The following PLA2G4B variants were observed in gnomAD, a reference collection of about 807,000 sequenced individuals.
PLA2G4B encodes the protein phospholipase A2 group IVB, also known as cytosolic phospholipase A2 beta.
In PLA2G4B, 122 loss-of-function variants were observed where a neutral mutation model predicts 95.8. The observed-to-expected ratio is 1.27, with a 90% confidence interval of 1.10 to 1.48. The LOEUF is 1.48. Among genes scored for constraint, PLA2G4B ranks in the 40% most tolerant of loss-of-function variants. The probability of loss-of-function intolerance (pLI) is 0.00; values close to 1 mark genes in which losing one functional copy is unlikely to be tolerated. For missense variants in PLA2G4B, 1,158 were observed against 996.2 expected (o/e 1.16, Z -2.19); for synonymous variants, 518 against 421.5 (o/e 1.23, Z -2.80).
intron 10 of PLA2G4B, 115 bp from the exon 11 acceptor site, chr15:41,843,561 T>G (rs907606511): frequency 1.7e-5 from 25 of 1,487,456 alleles, no homozygotes; most frequent in East Asian, 7.1e-5. Context: ...GGGAGTGGCA[T>G]TGAGGGTTGG....
At chr15:41,839,929 G>A in intron 1 of PLA2G4B, 1 of 548,212 alleles carries the variant, frequency 1.8e-6, no homozygotes, top group Non-Finnish European at 3.2e-6. Context: ...ATGAGTTAAT[G>A]TATGCAAAGC....
intron 6 of PLA2G4B, 109 bp downstream of exon 6, chr15:41,841,382 TCA>T: frequency 6.2e-7 from 1 of 1,608,840 alleles, no homozygotes. Context: ...CCCTGGGATT[TCA>T]GTTTGTTAAG....
Position 41,840,688 on chromosome 15 carries a change from C to T in PLA2G4B, c.219+28C>T, listed in dbSNP as rs1192769326. The T allele has an allele frequency of 3.1e-6, 5 of 1,607,596 alleles. No individual in the cohort carries two copies. In the African/African-American group the frequency reaches 5.3e-5, roughly 17 times the overall value. ...GGGCCAGGCATCAGCGCTGACTCTA[C>T]CCACATCCTCGCCAGCCACTGCCGC... is the stretch of plus-strand genomic sequence containing the variant. On this transcript the variant is annotated intron_variant, in intron 3 of 19. Transcript: ENST00000458483.
chr15:41,841,824 G>A lies in PLA2G4B; in HGVS notation c.496G>A (p.Glu166Lys). 1 of 1,613,436 alleles carries A rather than the reference G, an allele frequency of 6.2e-7. No individual in the cohort carries two copies. The highest frequency in any genetic ancestry group is 8.5e-7 in the Non-Finnish European group (1 of 1,179,806). ...GCTCTGGTTCCTGTTTCCAGCCTCAGAGCACAGAGTTCAGCTTGTGGTTCC... is the reference window on the plus strand; with the variant it reads ...GCTCTGGTTCCTGTTTCCAGCCTCAAAGCACAGAGTTCAGCTTGTGGTTCC... ...LEETGDQKSS[E>K]HRVQLVVPGS... The change falls in exon 8 of 20, where the codon GAG becomes AAG. Residue 166 changes from glutamate to lysine, a missense_variant. Transcript: ENST00000458483.
At position 41,845,989 on chromosome 15, in the gene PLA2G4B, C is replaced by T; in HGVS notation, c.1542C>T (p.Tyr514=). 1 of 1,523,016 alleles carries T rather than the reference C, an allele frequency of 6.6e-7. No individual in the cohort carries two copies. 94.3% of individuals were successfully genotyped at this position (1,523,016 alleles called of 1,614,324 possible). Residue 514 remains tyrosine (Y), a synonymous_variant, in exon 16 of 20, where the codon TAC becomes TAT. Transcript: ENST00000458483. ...LYAANLQDSL[Y]WASEPSQFWD... Reference sequence around the variant, plus strand: ...CAGCCAACCTCCAGGACAGCTTATACTGGGCCTCAGAGCCCAGCCAGTTCT... The same window carrying T: ...CAGCCAACCTCCAGGACAGCTTATATTGGGCCTCAGAGCCCAGCCAGTTCT...
rs765254908 is a variant in PLA2G4B at position 41,841,473 on chromosome 15, TG to T, written c.436-38del. 26 of 1,613,346 alleles carry T rather than the reference TG, an allele frequency of 1.6e-5. No homozygotes were observed. In the South Asian group the frequency reaches 2.1e-4, roughly 13 times the overall value. ...GTGCTGCGAGGGTGGGGTCCCTGAATGGGGGGTGGGGTTAGTGTCTGAGGGG... is the reference window on the plus strand; with the variant it reads ...GTGCTGCGAGGGTGGGGTCCCTGAATGGGGGTGGGGTTAGTGTCTGAGGGG... On this transcript the variant is annotated intron_variant, in intron 6 of 19. Coordinates refer to ENST00000458483, the MANE Select transcript of PLA2G4B (RefSeq NM_001114633.2).
intron 7 of PLA2G4B, 110 bp from the exon 8 acceptor site, chr15:41,841,709 C>A (rs982849866): frequency 1.9e-6 from 3 of 1,569,840 alleles, no homozygotes; most frequent in Middle Eastern, 1.7e-4. Flanking sequence ...TCCATCTCCA[C>A]CAGACCATTT....
intron 17 of PLA2G4B, 119 bp from the exon 18 acceptor site, chr15:41,846,550 G>A: frequency 3.3e-6 from 5 of 1,507,268 alleles, no homozygotes; most frequent in Non-Finnish European, 4.4e-6. Context: ...CCCACCTGCA[G>A]GGCTGTGGGG....
At position 41,848,027 on chromosome 15, in the gene PLA2G4B, G is replaced by A; in HGVS notation, c.*167G>A. On this transcript the variant is annotated 3_prime_UTR_variant, in exon 20 of 20. Transcript: ENST00000458483. The stretch of plus-strand genomic sequence containing the variant: ...CTTGCGCCTCAGCAGTTTGCAGTGG[G>A]GTAAGGAGGCCAAGCCCATTTGTGT... The A allele has an allele frequency of 1.1e-6, 1 of 933,704 alleles. No homozygotes were observed. Among genetic ancestry groups the A allele is most frequent in the South Asian group, 1.7e-5 (1 of 57,662 alleles). 57.8% of individuals were successfully genotyped at this position (933,704 alleles called of 1,614,324 possible).
chr15:41,843,881 A>C, intron 11 of PLA2G4B, 70 bp downstream of exon 11: 1 of 1,571,912 alleles, frequency 6.4e-7, no homozygotes, highest in Non-Finnish European at 8.6e-7. Context: ...TGAACACTGG[A>C]GCTGCTTGTC....
Position 41,840,809 on chromosome 15 carries a change from G to T in PLA2G4B, c.255G>T (p.Leu85=). 1 of 1,614,044 alleles carries T rather than the reference G, an allele frequency of 6.2e-7. No individual in the cohort carries two copies. The highest frequency in any genetic ancestry group is 1.1e-5 in the South Asian group (1 of 91,076). Residue 85 remains leucine (L), a synonymous_variant, in exon 4 of 20, where the codon CTG becomes CTT. Coordinates refer to ENST00000458483, the MANE Select transcript of PLA2G4B (RefSeq NM_001114633.2). ...VMELKVFDQD[L]VTGDDPVLSV... The stretch of plus-strand genomic sequence containing the variant: ...AACTGAAAGTCTTTGACCAGGACCT[G>T]GTGACCGGAGATGACCCTGTGTTGT...
chr15:41,841,443 C>T, intron 6 of PLA2G4B, 74 bp from the exon 7 acceptor site: 1 of 1,611,790 alleles, frequency 6.2e-7, no homozygotes, highest in Non-Finnish European at 8.5e-7. Context: ...CCAGCAGCAG[C>T]CAGGGTGCTG....
In PLA2G4B at chr15:41,845,207, A is replaced by G. The variant is rs756848523; in HGVS notation, c.1244A>G (p.His415Arg). 1.2e-5 allele frequency: 20 copies of G among 1,614,144 alleles called. No homozygotes were observed. Among genetic ancestry groups the G allele is most frequent in the South Asian group, 2.2e-5 (2 of 91,076 alleles). Residue 415 changes from histidine (H) to arginine (R), a missense_variant, in exon 14 of 20, where the codon CAT (histidine) becomes CGT (arginine). Transcript: ENST00000458483. The stretch of plus-strand genomic sequence containing the variant: ...GTTCTACGCATCTTTCCCCAGCCCC[A>G]TGATCACAAGCTCTCAGATCAACGG... ...INEALLHDEPHDHKLSDQREA... is the reference protein window; with the variant it reads ...INEALLHDEPRDHKLSDQREA...
chr15:41,842,987 G>A (rs554124492), intron 10 of PLA2G4B: 2 of 207,908 alleles, frequency 9.6e-6, no homozygotes, highest in Admixed American at 1.1e-4. Context: ...GATCTTCGTA[G>A]AGTTGTCGCC....
At position 41,844,845 on chromosome 15, in the gene PLA2G4B, C is replaced by T. The variant is rs1595423193; in HGVS notation, c.1017-3C>T. 1 of 1,598,294 alleles carries T rather than the reference C, an allele frequency of 6.3e-7. No individual in the cohort carries two copies. The highest frequency in any genetic ancestry group is 1.7e-5 in the Admixed American group (1 of 57,160). ...CTCTGGCTTTGGCTTTGGCTTTTCC[C>T]AGGGCCTTGGCCAACCTTTATGAGG... On this transcript the variant is annotated splice_polypyrimidine_tract_variant and splice_region_variant and intron_variant, in intron 12 of 19. Coordinates refer to ENST00000458483, the MANE Select transcript of PLA2G4B (RefSeq NM_001114633.2).
Position 41,846,342 on chromosome 15 carries a change from C to CAA in PLA2G4B, c.1742_1743dup (p.Asp582LysfsTer24). The CAA allele has an allele frequency of 1.2e-6, 2 of 1,610,398 alleles. No individual in the cohort carries two copies. The highest frequency in any genetic ancestry group is 1.7e-6 in the Non-Finnish European group (2 of 1,176,734). ...ATTTCCTGCGTGGCCTCCATTTCCA[C>CAA]AAAGACTACTTTCAGCATCCTCACT... On this transcript the variant is annotated frameshift_variant, in exon 17 of 20. Transcript: ENST00000458483. LOFTEE classifies it high-confidence loss of function.
At chr15:41,841,972 G>C (rs763833186) in intron 8 of PLA2G4B, 23 bp downstream of exon 8, 1 of 1,602,732 alleles carries the variant, frequency 6.2e-7, no homozygotes, top group African/African-American at 1.3e-5. Context: ...GCTCCCTCGA[G>C]GTGGGGCCCC....
intron 5 of PLA2G4B, 51 bp from the exon 6 acceptor site, chr15:41,841,180 T>G: frequency 6.2e-7 from 1 of 1,613,908 alleles, no homozygotes; most frequent in Non-Finnish European, 8.5e-7. Context: ...CAGGTCTCTG[T>G]GGGGTGGGAA....
intron 18 of PLA2G4B, 139 bp downstream of exon 18, chr15:41,846,974 G>A: frequency 3.3e-6 from 4 of 1,226,944 alleles, no homozygotes; most frequent in Non-Finnish European, 4.4e-6. Context: ...TTTGCCACCA[G>A]AGGAGCTCAT....
Sources: gnomAD v4.1 joint callset for allele counts on GRCh38, gnomAD v4.1.1 for gene constraint, MANE v1.5 for transcripts, NCBI Gene and HGNC (gene_info 2026-07-23, HGNC 2026-07-21) for gene names.